Variants in RBFOX1 observed in about 807,000 individuals in gnomAD.
RBFOX1 encodes the protein RNA binding protein fox-1 homolog 1.
Under a neutral mutation model 57.7 loss-of-function variants are expected in RBFOX1, and 8 were observed. The observed-to-expected ratio is 0.14, with a 90% CI of 0.08 to 0.25. The LOEUF is 0.25. RBFOX1 is among the 10% of genes least tolerant of loss of function. The pLI, the probability that RBFOX1 is intolerant of heterozygous loss-of-function variation, is 1.00. For missense variants in RBFOX1, 611 were observed against 548.5 expected (o/e 1.11, Z -1.14); for synonymous variants, 326 against 222.4 (o/e 1.47, Z -4.15).
At chr16:6,842,914 A>C (rs1407826588) in intron 3 of RBFOX1, among the ~76,000 whole-genome samples, 2 of 152,066 alleles carry the variant, frequency 1.3e-5, no homozygotes, top group African/African-American at 4.8e-5. Flanking sequence ...GAGTGAGAAC[A>C]TGCAGTGTTT....
intron 4 of RBFOX1, among the ~76,000 whole-genome samples, chr16:5,969,570 C>T (rs560945363): frequency 6.6e-6 from 1 of 150,696 alleles, no homozygotes; most frequent in African/African-American, 2.4e-5. Context: ...GATCCGCCTG[C>T]CTCAACCTCC....
chr16:5,251,088 C>G (rs1244765205), intron 1 of RBFOX1, among the ~76,000 whole-genome samples: 1 of 151,830 alleles, frequency 6.6e-6, no homozygotes, highest in Non-Finnish European at 1.5e-5. Context: ...GGGGGGGTCC[C>G]AGCCCCTACC....
intron 4 of RBFOX1, among the ~76,000 whole-genome samples, chr16:7,506,656 A>G (rs952449124): frequency 1.3e-5 from 2 of 152,196 alleles, no homozygotes; most frequent in African/African-American, 4.8e-5. Context: ...AGTAACAAGA[A>G]TTCTTCAATA....
chr16:5,315,360 A>C (rs1047664865), intron 1 of RBFOX1, among the ~76,000 whole-genome samples: 1 of 152,192 alleles, frequency 6.6e-6, no homozygotes, highest in South Asian at 2.1e-4. Flanking sequence ...CCGGTGATTA[A>C]ATGGAGACAG....
chr16:6,195,679 A>G (rs1004643712), intron 1 of RBFOX1, among the ~76,000 whole-genome samples: 4 of 151,512 alleles, frequency 2.6e-5, no homozygotes, highest in Admixed American at 1.3e-4. Flanking sequence ...AGATTGCACC[A>G]TTGCACTCCA....
chr16:7,539,156 ATG>A (rs1190368951), intron 5 of RBFOX1, among the ~76,000 whole-genome samples: 1 of 152,296 alleles, frequency 6.6e-6, no homozygotes, highest in Admixed American at 6.5e-5. Flanking sequence ...ATGACAAAGA[ATG>A]TGAAACCGTC....
chr16:6,358,193 T>C (rs1327283088), intron 2 of RBFOX1, among the ~76,000 whole-genome samples: 1 of 152,144 alleles, frequency 6.6e-6, no homozygotes, highest in East Asian at 1.9e-4. Flanking sequence ...CATGAAACAC[T>C]GACACCTCCT....
chr16:6,406,155 A>G (rs1182771198), intron 2 of RBFOX1, among the ~76,000 whole-genome samples: 1 of 152,218 alleles, frequency 6.6e-6, no homozygotes, highest in Non-Finnish European at 1.5e-5. Flanking sequence ...CAAGATGGCA[A>G]CACTCAATCC....
chr16:7,210,264 T>C (rs1001738438), intron 4 of RBFOX1, among the ~76,000 whole-genome samples: 2 of 152,170 alleles, frequency 1.3e-5, no homozygotes, highest in Non-Finnish European at 2.9e-5. Context: ...ATTGCGAGGC[T>C]GACTAAGCAA....
chr16:6,406,197 A>G (rs1333542939), intron 2 of RBFOX1, among the ~76,000 whole-genome samples: 1 of 152,242 alleles, frequency 6.6e-6, no homozygotes, highest in Non-Finnish European at 1.5e-5. Context: ...ATGCTCTGTC[A>G]TTGAAGCATT....
At chr16:5,449,879 A>G (rs1187697026) in intron 1 of RBFOX1, among the ~76,000 whole-genome samples, 1 of 152,186 alleles carries the variant, frequency 6.6e-6, no homozygotes, top group Non-Finnish European at 1.5e-5. Flanking sequence ...AAGGTCTTGG[A>G]TTACAGGGCT....
intron 2 of RBFOX1, among the ~76,000 whole-genome samples, chr16:6,521,699 A>G (rs2096502354): frequency 6.6e-6 from 1 of 152,166 alleles, no homozygotes; most frequent in Non-Finnish European, 1.5e-5. Context: ...GGATAGCCAG[A>G]AAACAACAAC....
intron 3 of RBFOX1, among the ~76,000 whole-genome samples, chr16:6,902,653 C>T (rs1362488688): frequency 2.0e-5 from 3 of 152,146 alleles, no homozygotes; most frequent in African/African-American, 4.8e-5. Flanking sequence ...ACCCAGGAGG[C>T]AGAGGCTGTA....
intron 1 of RBFOX1, among the ~76,000 whole-genome samples, chr16:6,060,331 T>C (rs1035562): frequency 0.55 from 82,979 of 151,714 alleles, 23,200 homozygotes; most frequent in Non-Finnish European, 0.61. Flanking sequence ...GCAGATACTG[T>C]CTAAGTCTTA....
At chr16:5,887,760 T>C (rs1172035039) in intron 4 of RBFOX1, among the ~76,000 whole-genome samples, 1 of 152,130 alleles carries the variant, frequency 6.6e-6, no homozygotes, top group African/African-American at 2.4e-5. Context: ...AGGGATTGGT[T>C]CACCCGAGGA....
chr16:5,426,246 G>A (rs1418068263), intron 1 of RBFOX1, among the ~76,000 whole-genome samples: 1 of 152,180 alleles, frequency 6.6e-6, no homozygotes, highest in Non-Finnish European at 1.5e-5. Context: ...GGTGTTGGAA[G>A]GAGCTGGCAG....
chr16:6,988,731 A>ATTTTTTTTTTTTTTTTTTTTTTTTT (rs111959126), intron 3 of RBFOX1, among the ~76,000 whole-genome samples: 7 of 91,300 alleles, frequency 7.7e-5, no homozygotes, highest in African/African-American at 3.7e-4. Context: ...CACCCAGCTA[A>ATTTTTTTTTTTTTTTTTTTTTTTTT]TTTTTTTTTT....
intron 4 of RBFOX1, among the ~76,000 whole-genome samples, chr16:7,437,387 A>G (rs532606546): frequency 6.6e-6 from 1 of 152,210 alleles, no homozygotes; most frequent in East Asian, 1.9e-4. Flanking sequence ...ACAGTGAATC[A>G]TAGGCTCTCC....
intron 4 of RBFOX1, among the ~76,000 whole-genome samples, chr16:5,927,480 G>A (rs148344996): frequency 7.2e-4 from 110 of 152,284 alleles, no homozygotes; most frequent in Middle Eastern, 3.4e-3. Flanking sequence ...AAAAGAGAAC[G>A]CTTGTACACT....
Sources: allele counts gnomAD v4.1 joint callset (sites outside exome capture counted in the v4.1 genomes callset), GRCh38; gene constraint gnomAD v4.1.1; transcripts MANE v1.5; gene names NCBI Gene and HGNC (gene_info 2026-07-23, HGNC 2026-07-21).